RBM26: variants seen among roughly 807,000 people sequenced by gnomAD.
RBM26 encodes RNA-binding protein 26.
A neutral mutation model predicts 123.6 loss-of-function variants in RBM26; 30 were observed. The ratio of observed to expected loss-of-function variants is 0.24; its 90% confidence interval spans 0.18 to 0.33. The LOEUF (loss-of-function observed/expected upper bound fraction) is 0.33. RBM26 is among the 10% of genes least tolerant of loss of function. The probability of loss-of-function intolerance (pLI) is 1.00; values close to 1 mark genes in which losing one functional copy is unlikely to be tolerated. For missense variants in RBM26, 947 were observed against 1,203.6 expected (o/e 0.79, Z 3.15); for synonymous variants, 400 against 404.4 (o/e 0.99, Z 0.13).
At chr13:79,374,532 A>G (rs528059373) in intron 3 of RBM26, among the ~76,000 whole-genome samples, 16 of 152,280 alleles carry the variant, frequency 1.1e-4, no homozygotes, top group African/African-American at 3.6e-4. Flanking sequence ...GAGAAATCAA[A>G]TGGAAATCCT....
intron 20 of RBM26, among the ~76,000 whole-genome samples, chr13:79,328,102 C>T (rs1160913844): frequency 6.6e-6 from 1 of 152,012 alleles, no homozygotes; most frequent in East Asian, 1.9e-4. Context: ...GTTCATTCTC[C>T]CATAACTTAG....
At chr13:79,336,682 G>A (rs952468192) in intron 19 of RBM26, among the ~76,000 whole-genome samples, 1 of 152,086 alleles carries the variant, frequency 6.6e-6, no homozygotes, top group African/African-American at 2.4e-5. Context: ...CAAGATCATA[G>A]GTCAAAATTT....
intron 1 of RBM26, among the ~76,000 whole-genome samples, chr13:79,388,937 T>A (rs2077708797): frequency 6.6e-6 from 1 of 151,706 alleles, no homozygotes; most frequent in African/African-American, 2.4e-5. Flanking sequence ...TTATAACTAT[T>A]ACAAGGAGCA....
At chr13:79,355,107 G>T in intron 12 of RBM26, 113 bp downstream of exon 12, 1 of 908,216 alleles carries the variant, frequency 1.1e-6, no homozygotes, top group Non-Finnish European at 1.7e-6. Context: ...GAAGCTAAAT[G>T]CAGAACCAGG....
Position 79,355,357 on chromosome 13 carries a change from C to T in RBM26, c.1717G>A (p.Ala573Thr), listed in dbSNP as rs1157124199. Residue 573 changes from alanine to threonine, a missense_variant, in exon 12 of 22, where the codon GCC (alanine) becomes ACC (threonine). By Grantham distance (58) the Ala-to-Thr change is moderately conservative (BLOSUM62 0). This residue lies in a region of RBM26 where 493 missense variants were observed against 563.1 expected (regional missense o/e 0.88). Transcript: ENST00000438737. Reference protein sequence around the residue: ...QVAYNGDPEGALIQFATYEEA... With the variant: ...QVAYNGDPEGTLIQFATYEEA... The stretch of plus-strand genomic sequence containing the variant: ...TCGTATGTTGCAAATTGGATTAGGG[C>T]ACCTTCAGGATCACCATTATAAGCA... The T allele has an allele frequency of 6.2e-7, 1 of 1,613,698 alleles. No individual in the cohort carries two copies. The highest frequency in any genetic ancestry group is 8.5e-7 in the Non-Finnish European group (1 of 1,179,756).
chr13:79,371,314 T>C (rs1419422953), intron 4 of RBM26, 152 bp from the exon 5 acceptor site: 2 of 646,786 alleles, frequency 3.1e-6, no homozygotes, highest in African/African-American at 3.7e-5. Flanking sequence ...ATTCAGTACT[T>C]TAAATCCCTT....
rs376358273 is a variant in RBM26 at position 79,396,572 on chromosome 13, T to C, written c.71+9132A>G. ...AGAAACAGAAATACCTACACAGCCC[T>C]ATACCTATTAAAGACATTGATTTTA... On this transcript the variant is annotated intron_variant, in intron 1 of 21. Coordinates refer to ENST00000438737, the MANE Select transcript of RBM26 (RefSeq NM_001366735.2). Among the ~76,000 whole-genome samples, 11 of 152,118 alleles carry C rather than the reference T, an allele frequency of 7.2e-5. No homozygotes were observed. The East Asian group carries it at 1.5e-3, about 21-fold the overall frequency.
chr13:79,356,465 C>G (rs909925621), intron 11 of RBM26, among the ~76,000 whole-genome samples: 4 of 151,368 alleles, frequency 2.6e-5, no homozygotes, highest in African/African-American at 9.7e-5. Context: ...TGAACATGAT[C>G]AAGTTACTTA....
intron 1 of RBM26, among the ~76,000 whole-genome samples, chr13:79,402,806 C>T (rs544233981): frequency 7.2e-5 from 11 of 152,248 alleles, no homozygotes; most frequent in African/African-American, 2.6e-4. Flanking sequence ...GACTTCAACA[C>T]CTATCTTTCC....
At chr13:79,356,423 G>A (rs981034316) in intron 11 of RBM26, among the ~76,000 whole-genome samples, 4 of 148,684 alleles carry the variant, frequency 2.7e-5, no homozygotes, top group African/African-American at 9.8e-5. Context: ...GAATCAAACT[G>A]CCTGGCTCAA....
intron 1 of RBM26, among the ~76,000 whole-genome samples, chr13:79,403,980 T>C (rs2079282766): frequency 6.6e-6 from 1 of 152,138 alleles, no homozygotes; most frequent in Admixed American, 6.5e-5. Context: ...CCTGCCTCAG[T>C]ACTAGGCCCT....
Position 79,371,835 on chromosome 13 carries a change from T to G in RBM26, c.416+7A>C. 6.3e-7 allele frequency: 1 copy of G among 1,577,054 alleles called. No homozygotes were observed. The highest frequency in any genetic ancestry group is 1.3e-5 in the African/African-American group (1 of 74,274). ...AAACACTGAGTATGGTTCAATGAAC[T>G]GCTCACCTATTTTCCCTGTATCGGG... is the stretch of plus-strand genomic sequence containing the variant. On this transcript the variant is annotated splice_region_variant and intron_variant, in intron 4 of 21. Transcript: ENST00000438737.
intron 1 of RBM26, among the ~76,000 whole-genome samples, chr13:79,385,171 A>AT (rs748716306): frequency 2.0e-5 from 3 of 152,230 alleles, no homozygotes; most frequent in Non-Finnish European, 4.4e-5. Flanking sequence ...TGTACTTAGA[A>AT]TTACTCTTTT....
intron 20 of RBM26, among the ~76,000 whole-genome samples, chr13:79,322,952 G>C (rs895561927): frequency 2.6e-5 from 4 of 151,036 alleles, no homozygotes; most frequent in African/African-American, 7.3e-5. Context: ...TAATAATTTT[G>C]CATGTGTAAA....
At chr13:79,340,143 A>G (rs1416205772) in intron 18 of RBM26, among the ~76,000 whole-genome samples, 1 of 146,962 alleles carries the variant, frequency 6.8e-6, no homozygotes, top group Non-Finnish European at 1.5e-5. Context: ...TATTAACATA[A>G]AAGAAATATT....
intron 9 of RBM26, among the ~76,000 whole-genome samples, chr13:79,363,135 G>T (rs1239220156): frequency 2.0e-5 from 3 of 152,074 alleles, no homozygotes; most frequent in African/African-American, 4.8e-5. Context: ...TTTTACATTA[G>T]TAATTTCAAT....
intron 19 of RBM26, 31 bp downstream of exon 19, chr13:79,337,068 TCAG>T: frequency 6.3e-7 from 1 of 1,581,650 alleles, no homozygotes. Context: ...ATGATGATTA[TCAG>T]CATTTGTTTT....
At chr13:79,323,509 G>A (rs1179194487) in intron 20 of RBM26, among the ~76,000 whole-genome samples, 1 of 151,260 alleles carries the variant, frequency 6.6e-6, no homozygotes, top group African/African-American at 2.4e-5. Context: ...TTAGTTCCAG[G>A]ACAATTTGCA....
chr13:79,384,189 A>C (rs2077290255), intron 1 of RBM26, among the ~76,000 whole-genome samples: 2 of 152,212 alleles, frequency 1.3e-5, no homozygotes, highest in Admixed American at 1.3e-4. Context: ...TAAAGGCATA[A>C]AAATAAAACT....
Sources: allele counts gnomAD v4.1 joint callset (sites outside exome capture counted in the v4.1 genomes callset), GRCh38; gene constraint gnomAD v4.1.1; regional missense constraint gnomAD v4.1.1; transcripts MANE v1.5; gene names NCBI Gene and HGNC (gene_info 2026-07-23, HGNC 2026-07-21).